Variants in BAP1 observed in about 807,000 individuals in gnomAD.
BAP1 encodes ubiquitin carboxyl-terminal hydrolase BAP1.
In BAP1, 16 loss-of-function variants were observed where a neutral mutation model predicts 77.2. That is an observed-to-expected ratio of 0.21 (90% CI 0.14 to 0.31). BAP1 has a LOEUF of 0.31. Among genes scored for constraint, BAP1 ranks in the 10% least tolerant of loss-of-function variants. The pLI, the probability that BAP1 is intolerant of heterozygous loss-of-function variation, is 1.00. For missense variants in BAP1, 699 were observed against 967.3 expected (o/e 0.72, Z 3.68); for synonymous variants, 362 against 385.2 (o/e 0.94, Z 0.71).
rs2153226475 is a variant in BAP1, at chr3:52,403,216, C to T, written c.1812G>A (p.Val604=). 2 of 1,614,180 alleles carry T rather than the reference C, an allele frequency of 1.2e-6. No individual in the cohort carries two copies. Among genetic ancestry groups the T allele is most frequent in the South Asian group, 1.1e-5 (1 of 91,080 alleles). ...TCTTCTCTCTGCTGTCCGTGGCTTC[C>T]ACGACCTCCTTCTCCACTGGGCTGC... ...GSSSPVEKEV[V]EATDSREKTG... is the part of the protein sequence containing the mutation. Residue 604 remains valine, a synonymous_variant, in exon 14 of 17, where the codon GTG becomes GTA. Coordinates refer to ENST00000460680, the MANE Select transcript of BAP1 (RefSeq NM_004656.4). This position sits in a 1 kb window ranked among gnomAD's most constrained non-coding sequence, Gnocchi z 4.0.
At position 52,406,355 on chromosome 3, in the gene BAP1, G is replaced by A. The variant is rs772237661; in HGVS notation, c.681C>T (p.Arg227=). The A allele has an allele frequency of 8.9e-5, 144 of 1,613,926 alleles. No individual in the cohort carries two copies. Among genetic ancestry groups the A allele is most frequent in the Non-Finnish European group, 1.2e-4 (140 of 1,180,048 alleles). The part of the protein sequence containing the change: ...ATAGEPYHDI[R]FNLMAVVPDR... ...CGGGCACCACTGCCATCAGGTTGAA[G>A]CGGATGTCGTGGTAGGGCTCCCTGC... Residue 227 remains arginine, a synonymous_variant, in exon 9 of 17, where the codon CGC becomes CGT. Coordinates refer to ENST00000460680, the MANE Select transcript of BAP1 (RefSeq NM_004656.4). The surrounding 1 kb of genome is among the most constrained non-coding windows in gnomAD (Gnocchi z 4.6).
In BAP1 at chr3:52,406,864, C is replaced by A. The variant is rs1341863477; in HGVS notation, c.624G>T (p.Arg208=). ...CGAGGCCGATACGCTCCATGATGAC[C>A]CGCCGGGCCTTGTCTGTCCACTCCT... ...EDEEWTDKAR[R]VIMERIGLAT... Residue 208 remains arginine (R), a synonymous_variant, in exon 8 of 17, where the codon CGG becomes CGT. Transcript: ENST00000460680. This position sits in a 1 kb window ranked among gnomAD's most constrained non-coding sequence, Gnocchi z 4.6. 6.4e-7 allele frequency: 1 copy of A among 1,566,632 alleles called. No individual in the cohort carries two copies. Among genetic ancestry groups the A allele is most frequent in the Non-Finnish European group, 8.7e-7 (1 of 1,154,834 alleles).
At chr3:52,404,163 C>A (rs1225641715) in intron 12 of BAP1, among the ~76,000 whole-genome samples, 1 of 152,222 alleles carries the variant, frequency 6.6e-6, no homozygotes, top group Non-Finnish European at 1.5e-5. Context: ...GCTGCCTCCC[C>A]ACCACCCACA....
chr3:52,405,552 T>TACATTACAG (rs1239956737), intron 10 of BAP1: 1 of 676,968 alleles, frequency 1.5e-6, no homozygotes, highest in African/African-American at 2.1e-5. Flanking sequence ...AAAGGGAGTG[T>TACATTACAG]ACATTACAGA....
intron 4 of BAP1, 143 bp from the exon 5 acceptor site, chr3:52,408,220 T>C: frequency 7.0e-7 from 1 of 1,418,634 alleles, no homozygotes; most frequent in Non-Finnish European, 9.7e-7. Context: ...TTGCCTAATG[T>C]TTATTCATTT....
In BAP1 at chr3:52,403,633, G is replaced by C. The variant is rs1228626983; in HGVS notation, c.1512C>G (p.Asn504Lys). 6.2e-7 allele frequency: 1 copy of C among 1,613,888 alleles called. No individual in the cohort carries two copies. The highest frequency in any genetic ancestry group is 8.5e-7 in the Non-Finnish European group (1 of 1,179,894). Reference sequence around the variant, plus strand: ...AGCGGATAGGCGAGCGCAGTGGCGAGTTGAAAGCACTGCCGATCTCAGAGG... The same window carrying C: ...AGCGGATAGGCGAGCGCAGTGGCGACTTGAAAGCACTGCCGATCTCAGAGG... ...DTASEIGSAF[N>K]SPLRSPIRSA... Residue 504 changes from asparagine to lysine, a missense_variant, in exon 13 of 17, where the codon AAC becomes AAG. Around this residue, in one of 3 missense-constraint regions of BAP1, gnomAD observed 475 missense variants for 532.4 expected, o/e 0.89. Transcript: ENST00000460680. This position sits in a 1 kb window ranked among gnomAD's most constrained non-coding sequence, Gnocchi z 4.0.
At position 52,403,833 on chromosome 3, in the gene BAP1, A is replaced by G; in HGVS notation, c.1312T>C (p.Ser438Pro). The part of the protein sequence containing the change: ...ALSGSADGQL[S>P]VLQPNTINVL... Reference sequence around the variant, plus strand: ...TTGATGGTGTTGGGCTGCAGCACTGACAGTTGCCCATCAGCAGAACCGCTC... The same window carrying G: ...TTGATGGTGTTGGGCTGCAGCACTGGCAGTTGCCCATCAGCAGAACCGCTC... Residue 438 changes from serine to proline, a missense_variant, in exon 13 of 17, where the codon TCA (serine) becomes CCA (proline). Physicochemically the swap from Ser to Pro is moderately conservative, Grantham distance 74. This residue lies in a region of BAP1 where 475 missense variants were observed against 532.4 expected (regional missense o/e 0.89). Coordinates refer to ENST00000460680, the MANE Select transcript of BAP1 (RefSeq NM_004656.4). This position sits in a 1 kb window ranked among gnomAD's most constrained non-coding sequence, Gnocchi z 4.0. 1 of 1,614,052 alleles carries G rather than the reference A, an allele frequency of 6.2e-7. No individual in the cohort carries two copies. Among genetic ancestry groups the G allele is most frequent in the Non-Finnish European group, 8.5e-7 (1 of 1,180,010 alleles).
chr3:52,401,153 C>G lies in BAP1; in HGVS notation c.*1135G>C, dbSNP rs2153226024. ...CAGTCACTATGTACAGATAAAGGGG[C>G]CTGCTTGGATCACCTTTTTCAAAGC... On this transcript the variant is annotated 3_prime_UTR_variant, in exon 17 of 17. Coordinates refer to ENST00000460680, the MANE Select transcript of BAP1 (RefSeq NM_004656.4). 8.6e-6 allele frequency: 2 copies of G among 232,746 alleles called. No individual in the cohort carries two copies. The highest frequency in any genetic ancestry group is 3.6e-4 in the South Asian group (2 of 5,530). 14.4% of individuals were successfully genotyped at this position (232,746 alleles called of 1,614,324 possible).
intron 4 of BAP1, 86 bp from the exon 5 acceptor site, chr3:52,408,163 C>G: frequency 6.5e-7 from 1 of 1,546,282 alleles, no homozygotes; most frequent in East Asian, 2.4e-5. Flanking sequence ...GGATCCAGAG[C>G]AGGTCAGTCA....
At chr3:52,405,005 C>G in intron 11 of BAP1, 105 bp downstream of exon 11, 2 of 1,505,970 alleles carry the variant, frequency 1.3e-6, no homozygotes, top group Non-Finnish European at 1.8e-6. Context: ...CAGCTTGACC[C>G]AGCCATGCCA....
intron 12 of BAP1, 106 bp downstream of exon 12, chr3:52,404,347 G>A: frequency 6.3e-7 from 1 of 1,588,750 alleles, no homozygotes; most frequent in Non-Finnish European, 8.6e-7. Context: ...AAACTCCGCA[G>A]GTGCTCAACA....
chr3:52,408,635 C>T (rs753651636), intron 3 of BAP1, 29 bp from the exon 4 acceptor site: 3 of 1,602,442 alleles, frequency 1.9e-6, no homozygotes, highest in Non-Finnish European at 2.6e-6. Flanking sequence ...AGAGCCAGAT[C>T]AGCCAAAGGG....
chr3:52,406,985 A>G lies in BAP1; in HGVS notation c.581-78T>C, dbSNP rs1705183170. ...AGGCCAGGAGTGGGAAGGAAGACAGAGAAGAGCAGTTGAGCCAGGGAATCA... is the reference window on the plus strand; with the variant it reads ...AGGCCAGGAGTGGGAAGGAAGACAGGGAAGAGCAGTTGAGCCAGGGAATCA... On this transcript the variant is annotated intron_variant, in intron 7 of 16. Transcript: ENST00000460680. This position sits in a 1 kb window ranked among gnomAD's most constrained non-coding sequence, Gnocchi z 4.6. The G allele has an allele frequency of 1.3e-6, 2 of 1,509,366 alleles. No homozygotes were observed. The highest frequency in any genetic ancestry group is 3.9e-5 in the Admixed American group (2 of 51,136). The allele number at this position is 1,509,366 out of a possible 1,614,324, so 93.5% of individuals were successfully genotyped here.
At chr3:52,404,338 A>T in intron 12 of BAP1, 115 bp downstream of exon 12, 1 of 1,578,914 alleles carries the variant, frequency 6.3e-7, no homozygotes, top group South Asian at 1.1e-5. Flanking sequence ...CAGGGCCCCA[A>T]ACTCCGCAGG....
Position 52,408,069 on chromosome 3 carries a change from G to C in BAP1, c.264C>G (p.Pro88=), listed in dbSNP as rs750210184. The C allele has an allele frequency of 6.2e-7, 1 of 1,607,526 alleles. No individual in the cohort carries two copies. Among genetic ancestry groups the C allele is most frequent in the Non-Finnish European group, 8.5e-7 (1 of 1,176,658 alleles). ...NNMFFAHQLI[P]NSCATHALLS... ...GCAAGGCATGAGTTGCACAAGAGTT[G>C]GGTATCAGCTGTGAAACCAAGAATA... is the stretch of plus-strand genomic sequence containing the variant. Residue 88 remains proline, a synonymous_variant, in exon 5 of 17, where the codon CCC becomes CCG. Transcript: ENST00000460680.
intron 3 of BAP1, 132 bp downstream of exon 3, chr3:52,409,422 G>A: frequency 4.8e-6 from 6 of 1,246,318 alleles, no homozygotes; most frequent in African/African-American, 1.5e-5. Context: ...CACTCAGAGA[G>A]CAAGGCTGCT....
Position 52,403,408 on chromosome 3 carries a change from A to G in BAP1, c.1729+8T>C, listed in dbSNP as rs150945583. 10,107 of 1,613,504 alleles carry G rather than the reference A, an allele frequency of 6.3e-3. 54 individuals carry two copies. Among genetic ancestry groups the G allele is most frequent in the Non-Finnish European group, 7.9e-3 (9,292 of 1,179,874 alleles). ...ACCAAGTGGCCAGTGAGCCAGTCCA[A>G]GGCCCACCTGTCAGCGCCAGGGGAC... On this transcript the variant is annotated splice_region_variant and intron_variant, in intron 13 of 16. Transcript: ENST00000460680. This position sits in a 1 kb window ranked among gnomAD's most constrained non-coding sequence, Gnocchi z 4.0.
At chr3:52,405,578 C>T in intron 10 of BAP1, 187 bp downstream of exon 10, 1 of 845,118 alleles carries the variant, frequency 1.2e-6, no homozygotes, top group Non-Finnish European at 1.8e-6. Context: ...GCCCAGGGGC[C>T]TGTGGTAACA....
chr3:52,404,687 GAGTC>G (rs1228613527), intron 11 of BAP1, 101 bp from the exon 12 acceptor site: 24 of 1,509,894 alleles, frequency 1.6e-5, no homozygotes, highest in Non-Finnish European at 2.0e-5. Flanking sequence ...TTTCCAGACT[GAGTC>G]AGCGGAACCC....
Sources: allele counts gnomAD v4.1 joint callset (sites outside exome capture counted in the v4.1 genomes callset), GRCh38; gene constraint gnomAD v4.1.1; regional missense constraint gnomAD v4.1.1; non-coding constraint Gnocchi (gnomAD v3.1); transcripts MANE v1.5; gene names NCBI Gene and HGNC (gene_info 2026-07-23, HGNC 2026-07-21).